KCNMB3: variants seen among roughly 807,000 people sequenced by gnomAD.
KCNMB3 encodes the protein calcium-activated potassium channel subunit beta-3.
A neutral mutation model predicts 11.9 loss-of-function variants in KCNMB3; 18 were observed. That is an observed-to-expected ratio of 1.51 (90% CI 1.04 to 2.23). KCNMB3 has a LOEUF of 2.23. Among genes scored for constraint, KCNMB3 ranks in the 30% most tolerant of loss-of-function variants. KCNMB3 has a pLI of 0.00. For missense variants in KCNMB3, 247 were observed against 329.4 expected, an observed-to-expected ratio of 0.75 and a Z score of 1.94; for synonymous variants, 78 against 119.2, an observed-to-expected ratio of 0.65 and a Z score of 2.25.
intron 2 of KCNMB3, 37 bp downstream of exon 2, chr3:179,244,458 G>A: frequency 6.5e-7 from 1 of 1,548,488 alleles, no homozygotes; most frequent in Non-Finnish European, 8.9e-7. Context: ...GGCAGGGAAG[G>A]GTTGCTGTCA....
chr3:179,251,243 C>T (rs3806684), upstream of KCNMB3: 72 of 1,499,480 alleles, frequency 4.8e-5, no homozygotes, highest in Non-Finnish European at 5.8e-5. Flanking sequence ...ATAAGTGTTA[C>T]GAACTTTGTT....
At position 179,243,209 on chromosome 3, in the gene KCNMB3, C is replaced by T. The variant is rs572067352; in HGVS notation, c.523G>A (p.Asp175Asn). 29 of 1,383,870 alleles carry T rather than the reference C, an allele frequency of 2.1e-5. No homozygotes were observed. The highest frequency in any genetic ancestry group is 1.0e-4 in the South Asian group (8 of 79,970). The allele number at this position is 1,383,870 out of a possible 1,614,324, so 85.7% of individuals were successfully genotyped here. ...NSALDIKEFF[D>N]HKNGTPFSCF... The stretch of plus-strand genomic sequence containing the variant: ...GAAAAGGGGGTTCCATTTTTGTGAT[C>T]GAAGAATTCTTTTATGTCCAGAGCA... Residue 175 changes from aspartate (D) to asparagine (N), a missense_variant, in exon 3 of 3, where the codon GAT becomes AAT. Asp to Asn is a conservative substitution (Grantham distance 23). Around this residue, in one of 2 missense-constraint regions of KCNMB3, gnomAD observed 87 missense variants for 171.9 expected, o/e 0.51. Transcript: ENST00000392685.
At chr3:179,251,679 A>G, upstream of KCNMB3, 1 of 1,224,538 alleles carries the variant, frequency 8.2e-7, no homozygotes, top group Non-Finnish European at 1.0e-6. Flanking sequence ...GGCGGCATCC[A>G]GCCCACAGAT....
intron 1 of KCNMB3, chr3:179,259,377 C>T: frequency 6.3e-7 from 1 of 1,577,352 alleles, no homozygotes; most frequent in South Asian, 1.2e-5. Context: ...ACCACCAGCC[C>T]TCGGGCCTGA....
intron 1 of KCNMB3, among the ~76,000 whole-genome samples, chr3:179,246,224 C>T (rs964666971): frequency 6.6e-6 from 1 of 152,102 alleles, no homozygotes. Context: ...CCAGCCTGGC[C>T]AACATGGCGA....
intron 1 of KCNMB3, among the ~76,000 whole-genome samples, chr3:179,266,489 C>T (rs574462091): frequency 1.3e-5 from 2 of 152,308 alleles, no homozygotes; most frequent in South Asian, 4.1e-4. Flanking sequence ...GATGTGAGTG[C>T]TACTGGGGAA....
rs887187492 is a variant in KCNMB3, at chr3:179,259,961, T to C, written c.62+6688A>G. On this transcript the variant is annotated intron_variant, in intron 1 of 3. Coordinates refer to the KCNMB3 transcript ENST00000349697. ...CCTCTTCTTCGTTGTGATCCCTACC[T>C]GCTTCTGTACTCTGCACTGGAACCT... is the stretch of plus-strand genomic sequence containing the variant. 4 of 1,612,950 alleles carry C rather than the reference T, an allele frequency of 2.5e-6. No homozygotes were observed. The African/African-American group carries it at 4.0e-5, about 16-fold the overall frequency.
upstream of KCNMB3, among the ~76,000 whole-genome samples, chr3:179,254,625 A>G (rs932939930): frequency 1.3e-5 from 2 of 152,240 alleles, no homozygotes; most frequent in Admixed American, 6.5e-5. Flanking sequence ...CCTGGCCTAC[A>G]TGGTGAGAAA....
At chr3:179,247,353 A>G (rs1473844343) in intron 1 of KCNMB3, among the ~76,000 whole-genome samples, 2 of 152,072 alleles carry the variant, frequency 1.3e-5, no homozygotes, top group East Asian at 3.9e-4. Flanking sequence ...ATATATATAT[A>G]TATGATGAGA....
At chr3:179,256,493 C>G (rs919258080), upstream of KCNMB3, among the ~76,000 whole-genome samples, 4 of 151,824 alleles carry the variant, frequency 2.6e-5, no homozygotes, top group African/African-American at 9.7e-5. Flanking sequence ...TATCTTATTA[C>G]TATTATGTCT....
intron 1 of KCNMB3, among the ~76,000 whole-genome samples, 193 bp downstream of exon 1, chr3:179,250,550 C>T (rs1461514075): frequency 6.6e-6 from 1 of 152,162 alleles, no homozygotes; most frequent in Non-Finnish European, 1.5e-5. Context: ...ATATCTTTGA[C>T]CTTCTCGCCA....
At chr3:179,243,797 A>G (rs1725543854) in intron 2 of KCNMB3, among the ~76,000 whole-genome samples, 1 of 152,144 alleles carries the variant, frequency 6.6e-6, no homozygotes, top group African/African-American at 2.4e-5. Flanking sequence ...ACCAGTGGAG[A>G]AGGGAGCTCT....
At chr3:179,254,387 C>T (rs746121977), upstream of KCNMB3, among the ~76,000 whole-genome samples, 1 of 152,226 alleles carries the variant, frequency 6.6e-6, no homozygotes, top group African/African-American at 2.4e-5. Context: ...ATTCATACTA[C>T]CTGGGTAATA....
intron 1 of KCNMB3, chr3:179,259,252 C>G (rs746308311): frequency 2.7e-5 from 42 of 1,534,572 alleles, no homozygotes; most frequent in Non-Finnish European, 3.6e-5. Context: ...GAGGGACTTT[C>G]ATTTTTGGGT....
rs147623976 is a variant in KCNMB3 at position 179,261,329 on chromosome 3, GCC to G, written c.62+5318_62+5319del. On this transcript the variant is annotated intron_variant, in intron 1 of 3. Coordinates refer to the KCNMB3 transcript ENST00000349697. Reference sequence around the variant, plus strand: ...GGAAACGCTCGGGGACCGTGCCGGAGCCCCCCCCCGCGGGCCGGGCCAGGGGG... The same window carrying G: ...GGAAACGCTCGGGGACCGTGCCGGAGCCCCCCCGCGGGCCGGGCCAGGGGG... 1.1e-3 allele frequency: 1,235 copies of G among 1,129,782 alleles called. 13 individuals are homozygous for G. In the African/African-American group the frequency reaches 0.018, roughly 16 times the overall value. 70.0% of individuals were successfully genotyped at this position (1,129,782 alleles called of 1,614,324 possible).
chr3:179,265,255 A>G (rs1161026353), intron 1 of KCNMB3, among the ~76,000 whole-genome samples: 1 of 152,072 alleles, frequency 6.6e-6, no homozygotes, highest in Non-Finnish European at 1.5e-5. Context: ...ATCTTATCCA[A>G]ACTCCTGTAT....
At chr3:179,251,721 G>A (rs1414088900), upstream of KCNMB3, 31 of 1,112,914 alleles carry the variant, frequency 2.8e-5, no homozygotes, top group Non-Finnish European at 3.2e-5. Flanking sequence ...GTCGTTTTTT[G>A]TTTTTGTGTT....
downstream of KCNMB3, chr3:179,240,062 A>G (rs748136943): frequency 5.2e-6 from 8 of 1,540,480 alleles, no homozygotes; most frequent in Admixed American, 4.0e-5. Flanking sequence ...CTGTAACATC[A>G]CGCTGTTTAT....
At position 179,261,398 on chromosome 3, in the gene KCNMB3, T is replaced by A. The variant is rs1726205910; in HGVS notation, c.62+5251A>T. On this transcript the variant is annotated intron_variant, in intron 1 of 3. Transcript: ENST00000349697. ...GGAGACGGAGCCACTCGCCGCGAAG[T>A]GAACGCTCGCGCTTCCGGGGCCAAG... 3.7e-6 allele frequency: 4 copies of A among 1,073,626 alleles called. No individual in the cohort carries two copies. The East Asian group carries it at 2.4e-4, about 65-fold the overall frequency. The allele number at this position is 1,073,626 out of a possible 1,614,324, so 66.5% of individuals were successfully genotyped here.
Sources: gnomAD v4.1 joint callset for allele counts (sites outside exome capture counted in the v4.1 genomes callset) on GRCh38, gnomAD v4.1.1 for gene constraint, gnomAD v4.1.1 regional missense constraint, MANE v1.5 for transcripts, NCBI Gene and HGNC (gene_info 2026-07-23, HGNC 2026-07-21) for gene names.